Variants in CALN1 observed in about 807,000 individuals in gnomAD.
CALN1 encodes calneuron 1.
CALN1 carries 17 observed loss-of-function variants against 30.6 expected under a neutral mutation model. The observed-to-expected ratio is 0.56, with a 90% confidence interval of 0.38 to 0.83. CALN1 has a LOEUF of 0.83. Among genes scored for constraint, CALN1 ranks in the 40% least tolerant of loss-of-function variants. CALN1 has a pLI of 0.00. For synonymous variants in CALN1, 156 were observed against 131.4 expected, an observed-to-expected ratio of 1.19 and a Z score of -1.28; for missense variants, 291 against 354.9, an observed-to-expected ratio of 0.82 and a Z score of 1.45.
intron 5 of CALN1, among the ~76,000 whole-genome samples, chr7:71,942,831 C>T (rs1796206421): frequency 1.3e-5 from 2 of 152,092 alleles, no homozygotes; most frequent in African/African-American, 4.8e-5. Flanking sequence ...GCAAACCTGC[C>T]TCCCATTCTA....
chr7:72,181,602 T>C (rs1023369909), intron 3 of CALN1, among the ~76,000 whole-genome samples: 4 of 151,878 alleles, frequency 2.6e-5, no homozygotes, highest in Non-Finnish European at 5.9e-5. Flanking sequence ...CTCAGCCTCC[T>C]GAGTAGCTGG....
chr7:72,246,977 C>G lies in CALN1; in HGVS notation c.244+31709G>C, dbSNP rs532231226. Among the ~76,000 whole-genome samples the G allele has an allele frequency of 2.0e-5, 3 of 152,186 alleles. No homozygotes were observed. The South Asian group carries it at 6.2e-4, about 32-fold the overall frequency. ...CCATGTTGGTCAGGCTAGTCTCGAACTCCCGACCTCAGGTGATCTGCCCGC... is the reference window on the plus strand; with the variant it reads ...CCATGTTGGTCAGGCTAGTCTCGAAGTCCCGACCTCAGGTGATCTGCCCGC... On this transcript the variant is annotated intron_variant, in intron 3 of 6. Transcript: ENST00000395275.
intron 3 of CALN1, among the ~76,000 whole-genome samples, chr7:72,273,424 A>G (rs953142696): frequency 1.3e-4 from 20 of 149,554 alleles, no homozygotes; most frequent in Non-Finnish European, 2.7e-4. Context: ...TCCATCTCAA[A>G]AAAAAAAAAA....
intron 2 of CALN1, among the ~76,000 whole-genome samples, chr7:72,279,500 C>T (rs1286338701): frequency 6.6e-6 from 1 of 152,208 alleles, no homozygotes; most frequent in Non-Finnish European, 1.5e-5. Flanking sequence ...GAAGCTACTT[C>T]CAGCACTCTC....
the CALN1 span, among the ~76,000 whole-genome samples, chr7:72,501,155 T>C: frequency 2.0e-5 from 3 of 151,472 alleles, no homozygotes; most frequent in African/African-American, 4.8e-5. Context: ...GGATTGGAGA[T>C]AAAATACTCA....
At chr7:71,996,192 A>G (rs1434762503) in intron 5 of CALN1, among the ~76,000 whole-genome samples, 1 of 152,218 alleles carries the variant, frequency 6.6e-6, no homozygotes, top group Non-Finnish European at 1.5e-5. Context: ...CCTAAACAAG[A>G]TAACTGCCTA....
chr7:71,784,467 G>A lies in CALN1; in HGVS notation c.*3308C>T. 4.7e-6 allele frequency: 1 copy of A among 215,028 alleles called. No homozygotes were observed. The highest frequency in any genetic ancestry group is 9.5e-5 in the East Asian group (1 of 10,474). 13.3% of individuals were successfully genotyped at this position (215,028 alleles called of 1,614,324 possible). ...GTCAGATCAGTCACGTGGGACCCAA[G>A]CACATTCTGGAAGCCATTGCTAATA... On this transcript the variant is annotated 3_prime_UTR_variant, in exon 7 of 7. Transcript: ENST00000395275.
intron 3 of CALN1, among the ~76,000 whole-genome samples, chr7:72,248,793 C>T (rs1328181287): frequency 1.3e-5 from 2 of 151,656 alleles, no homozygotes. Flanking sequence ...GTTCAGCCAA[C>T]CACAACATCT....
chr7:72,325,666 A>C (rs1187282459), intron 2 of CALN1, among the ~76,000 whole-genome samples: 1 of 152,208 alleles, frequency 6.6e-6, no homozygotes, highest in Non-Finnish European at 1.5e-5. Context: ...AAAATAATGC[A>C]GGAACCAAGT....
At chr7:71,838,285 T>C (rs1393822985) in intron 5 of CALN1, among the ~76,000 whole-genome samples, 1 of 152,232 alleles carries the variant, frequency 6.6e-6, no homozygotes, top group Non-Finnish European at 1.5e-5. Context: ...TAAGAGATCA[T>C]TTTTTAAGTC....
intron 2 of CALN1, among the ~76,000 whole-genome samples, chr7:72,326,146 G>A (rs1288182684): frequency 1.3e-5 from 2 of 152,258 alleles, no homozygotes; most frequent in South Asian, 2.1e-4. Context: ...CCCGAGGTCC[G>A]CCTGCCTGGG....
intron 5 of CALN1, among the ~76,000 whole-genome samples, chr7:71,993,541 C>G (rs912070008): frequency 1.3e-5 from 2 of 151,548 alleles, no homozygotes; most frequent in African/African-American, 4.8e-5. Flanking sequence ...ACTGCAACCT[C>G]TGCCTCCCGG....
chr7:71,941,709 G>C (rs1167739021), intron 5 of CALN1, among the ~76,000 whole-genome samples: 1 of 152,166 alleles, frequency 6.6e-6, no homozygotes, highest in African/African-American at 2.4e-5. Flanking sequence ...CTGGGAAGAG[G>C]GTTAGTTAGC....
chr7:72,161,080 T>C (rs2129544831), intron 3 of CALN1, among the ~76,000 whole-genome samples: 1 of 152,274 alleles, frequency 6.6e-6, no homozygotes, highest in African/African-American at 2.4e-5. Context: ...TCCCTCCATG[T>C]CCCTTCTACA....
At chr7:72,413,858 A>T (rs1807335171), upstream of CALN1, among the ~76,000 whole-genome samples, 1 of 139,438 alleles carries the variant, frequency 7.2e-6, no homozygotes, top group Non-Finnish European at 1.5e-5. Context: ...CACATCACAC[A>T]CACTCGTATA....
intron 3 of CALN1, among the ~76,000 whole-genome samples, chr7:72,254,531 A>C (rs1287390888): frequency 6.6e-6 from 1 of 152,130 alleles, no homozygotes; most frequent in Non-Finnish European, 1.5e-5. Context: ...TATGAAGACA[A>C]ATGTGTTTTA....
chr7:72,054,184 G>A (rs983416291), intron 4 of CALN1, among the ~76,000 whole-genome samples: 2 of 151,834 alleles, frequency 1.3e-5, no homozygotes, highest in Non-Finnish European at 2.9e-5. Context: ...TGGATTGAAT[G>A]GTAGTTCTAC....
In CALN1 at chr7:72,106,944, AAAG is replaced by A. The variant is rs1467346264; in HGVS notation, c.245-653_245-651del. On this transcript the variant is annotated intron_variant, in intron 3 of 6. Coordinates refer to ENST00000395275, the MANE Select transcript of CALN1 (RefSeq NM_031468.4). ...AAGGAACGCAGGCAGACAAGGAAAA[AAAG>A]AAAAAGAAATGAAGAAAGGGAGAAA... is the stretch of plus-strand genomic sequence containing the variant. 3.0e-4 allele frequency among the ~76,000 whole-genome samples: 45 copies of A among 151,926 alleles called. 1 individual carries two copies. The highest frequency in any genetic ancestry group is 3.2e-4 in the Non-Finnish European group (22 of 67,924).
At chr7:72,056,289 A>C (rs1343240266) in intron 4 of CALN1, among the ~76,000 whole-genome samples, 1 of 152,222 alleles carries the variant, frequency 6.6e-6, no homozygotes, top group Admixed American at 6.5e-5. Flanking sequence ...AATTAAGGAC[A>C]GTAATGCTAT....
Sources: allele counts gnomAD v4.1 joint callset (sites outside exome capture counted in the v4.1 genomes callset), GRCh38; gene constraint gnomAD v4.1.1; transcripts MANE v1.5; gene names NCBI Gene and HGNC (gene_info 2026-07-23, HGNC 2026-07-21).